The following MYBPC1 variants were observed in gnomAD, a reference collection of about 807,000 sequenced individuals.
MYBPC1 encodes myosin binding protein C1.
Under a neutral mutation model 147.1 loss-of-function variants are expected in MYBPC1, and 52 were observed. That is an observed-to-expected ratio of 0.35 (90% CI 0.28 to 0.45). MYBPC1 has a LOEUF of 0.45. Ranked by LOEUF, MYBPC1 falls within the 20% of genes least tolerant of loss-of-function variation. The pLI, the probability that MYBPC1 is intolerant of heterozygous loss-of-function variation, is 1.00. For synonymous variants in MYBPC1, 477 were observed against 475.9 expected (o/e 1.00, Z -0.03); for missense variants, 1,228 against 1,440.3 (o/e 0.85, Z 2.39).
chr12:101,651,197 G>A (rs1894365583), intron 15 of MYBPC1, 34 bp from the exon 16 acceptor site: 1 of 1,613,440 alleles, frequency 6.2e-7, no homozygotes, highest in African/African-American at 1.3e-5. Context: ...GGGAGTTTGG[G>A]CTTGGCATTT....
chr12:101,597,362 G>A (rs1877723892), intron 1 of MYBPC1, among the ~76,000 whole-genome samples: 1 of 152,172 alleles, frequency 6.6e-6, no homozygotes, highest in Admixed American at 6.5e-5. Flanking sequence ...ACCACTTGCT[G>A]TGAATCTTAA....
chr12:101,651,724 T>C (rs1894499998), intron 16 of MYBPC1, among the ~76,000 whole-genome samples: 1 of 152,136 alleles, frequency 6.6e-6, no homozygotes, highest in African/African-American at 2.4e-5. Flanking sequence ...ACGGATCAAT[T>C]GAGCTCAGGA....
intron 18 of MYBPC1, among the ~76,000 whole-genome samples, chr12:101,656,828 A>G (rs1451563051): frequency 6.6e-6 from 1 of 152,230 alleles, no homozygotes; most frequent in African/African-American, 2.4e-5. Flanking sequence ...GCTGAACTCA[A>G]CAGCACTATC....
At chr12:101,665,132 A>G (rs991578730) in intron 22 of MYBPC1, among the ~76,000 whole-genome samples, 2 of 152,216 alleles carry the variant, frequency 1.3e-5, no homozygotes, top group Non-Finnish European at 2.9e-5. Flanking sequence ...ATAAAATACA[A>G]TGAAGTGTAT....
chr12:101,659,640 A>G (rs774757343), intron 18 of MYBPC1, 32 bp from the exon 19 acceptor site: 2 of 1,613,608 alleles, frequency 1.2e-6, no homozygotes, highest in East Asian at 2.2e-5. Context: ...TATTGTGTAA[A>G]TCATGCCACA....
chr12:101,638,801 T>C (rs1195538090), intron 10 of MYBPC1, among the ~76,000 whole-genome samples: 1 of 152,154 alleles, frequency 6.6e-6, no homozygotes, highest in Non-Finnish European at 1.5e-5. Flanking sequence ...ATGTCTCCAG[T>C]TCTCATTTTC....
intron 1 of MYBPC1, among the ~76,000 whole-genome samples, chr12:101,606,468 T>A (rs1159811120): frequency 6.9e-6 from 1 of 145,014 alleles, no homozygotes; most frequent in African/African-American, 2.5e-5. Context: ...AATTTAGTAT[T>A]TTTTTTTTTT....
intron 1 of MYBPC1, among the ~76,000 whole-genome samples, chr12:101,611,516 T>C (rs1048007989): frequency 2.0e-5 from 3 of 152,200 alleles, no homozygotes; most frequent in African/African-American, 7.2e-5. Context: ...TAAACAAGTA[T>C]GATCAATTTA....
intron 13 of MYBPC1, 133 bp from the exon 14 acceptor site, chr12:101,647,912 C>A: frequency 1.4e-6 from 1 of 714,946 alleles, no homozygotes; most frequent in Non-Finnish European, 2.5e-6. Flanking sequence ...ACAAAAACCT[C>A]ACTTACTGTT....
chr12:101,617,292 C>T (rs930641205), intron 3 of MYBPC1, 49 bp downstream of exon 3: 1 of 1,580,668 alleles, frequency 6.3e-7, no homozygotes, highest in South Asian at 1.1e-5. Context: ...AAATTAGAAG[C>T]AGAAAGAAGT....
chr12:101,622,156 G>A (rs561608608), intron 3 of MYBPC1, among the ~76,000 whole-genome samples: 1 of 152,226 alleles, frequency 6.6e-6, no homozygotes, highest in African/African-American at 2.4e-5. Context: ...AATGAAATAT[G>A]ACTTACATAT....
At chr12:101,644,327 G>A (rs1424936307) in intron 11 of MYBPC1, among the ~76,000 whole-genome samples, 3 of 152,158 alleles carry the variant, frequency 2.0e-5, no homozygotes, top group South Asian at 2.1e-4. Context: ...GTGAGCCACC[G>A]TGCCCAGCCC....
intron 10 of MYBPC1, among the ~76,000 whole-genome samples, chr12:101,639,390 G>C (rs780322235): frequency 6.6e-5 from 10 of 152,158 alleles, no homozygotes; most frequent in Non-Finnish European, 1.2e-4. Context: ...CAGCCACCAT[G>C]GTAAGTAACT....
chr12:101,603,558 AT>A (rs1314304178), intron 1 of MYBPC1, among the ~76,000 whole-genome samples: 1 of 152,078 alleles, frequency 6.6e-6, no homozygotes, highest in Admixed American at 6.5e-5. Context: ...TTCTTCCTCT[AT>A]TTTTAAAAAG....
chr12:101,595,182 T>A, intron 1 of MYBPC1, 87 bp downstream of exon 1: 1 of 1,153,834 alleles, frequency 8.7e-7, no homozygotes, highest in Non-Finnish European at 1.3e-6. Context: ...ACAAATATCT[T>A]AACTAGATGA....
At position 101,630,192 on chromosome 12, in the gene MYBPC1, G is replaced by A. The variant is rs557198836; in HGVS notation, c.289+648G>A. Among the ~76,000 whole-genome samples the A allele has an allele frequency of 2.0e-5, 3 of 152,298 alleles. No individual in the cohort carries two copies. The East Asian group carries it at 5.8e-4, about 29-fold the overall frequency. On this transcript the variant is annotated intron_variant, in intron 6 of 31. Coordinates refer to ENST00000361466, the MANE Select transcript of MYBPC1 (RefSeq NM_002465.4). ...TTTCACTTAGCATAATGTTTCCAAA[G>A]TTCATCCACATTGTTGCATGTATCA...
intron 29 of MYBPC1, among the ~76,000 whole-genome samples, chr12:101,681,592 ATTTTTTTTTTTTTTTTTT>A (rs869224775): frequency 7.4e-5 from 1 of 13,552 alleles, no homozygotes; most frequent in Non-Finnish European, 1.2e-4. Flanking sequence ...ATATATATAT[ATTTTTTTTTTTTTTTTTT>A]TTTTTTTTTT....
chr12:101,633,868 G>T (rs1016903887), intron 8 of MYBPC1, among the ~76,000 whole-genome samples: 2 of 151,540 alleles, frequency 1.3e-5, no homozygotes, highest in Non-Finnish European at 2.9e-5. Flanking sequence ...ACCTGGCTGG[G>T]CATCTCTGAG....
chr12:101,666,698 G>A, intron 22 of MYBPC1: 1 of 1,498,816 alleles, frequency 6.7e-7, no homozygotes, highest in Non-Finnish European at 9.3e-7. Flanking sequence ...TTATTCTGGT[G>A]TGAAAGTGGG....
Sources: gnomAD v4.1 joint callset for allele counts (sites outside exome capture counted in the v4.1 genomes callset) on GRCh38, gnomAD v4.1.1 for gene constraint, MANE v1.5 for transcripts, NCBI Gene and HGNC (gene_info 2026-07-23, HGNC 2026-07-21) for gene names.